The following PRPF38A variants were observed in gnomAD, a reference collection of about 807,000 sequenced individuals.
PRPF38A encodes pre-mRNA processing factor 38A.
PRPF38A carries 11 observed loss-of-function variants against 46.8 expected under a neutral mutation model. That is an observed-to-expected ratio of 0.24 (90% CI 0.15 to 0.39). The LOEUF is 0.39. Ranked by LOEUF, PRPF38A falls within the 10% of genes least tolerant of loss-of-function variation. The pLI, the probability that PRPF38A is intolerant of heterozygous loss-of-function variation, is 1.00. For synonymous variants in PRPF38A, 124 were observed against 136.2 expected, an observed-to-expected ratio of 0.91 and a Z score of 0.62; for missense variants, 261 against 407.5, an observed-to-expected ratio of 0.64 and a Z score of 3.10.
At chr1:52,405,860 CTAATA>C (rs1647971123) in intron 2 of PRPF38A, 21 bp downstream of exon 2, 2 of 1,606,118 alleles carry the variant, frequency 1.2e-6, no homozygotes, top group Non-Finnish European at 1.7e-6. Flanking sequence ...TGTTCACTAG[CTAATA>C]TAAGAGGTTT....
At chr1:52,405,000 T>G (rs1647934634) in intron 1 of PRPF38A, 121 bp downstream of exon 1, 1 of 1,242,760 alleles carries the variant, frequency 8.0e-7, no homozygotes, top group South Asian at 1.5e-5. Context: ...TGTCGATCAT[T>G]CAGAAAAATT....
At position 52,405,948 on chromosome 1, in the gene PRPF38A, A is replaced by C. The variant is rs1001582262; in HGVS notation, c.290+109A>C. The C allele has an allele frequency of 9.9e-5, 92 of 927,372 alleles. No individual in the cohort carries two copies. The East Asian group carries it at 2.3e-3, about 23-fold the overall frequency. The allele number at this position is 927,372 out of a possible 1,614,324, so 57.4% of individuals were successfully genotyped here. A position where few individuals can be genotyped will look rare whatever the true frequency, so the allele number is the denominator to read the frequency against. The stretch of plus-strand genomic sequence containing the variant: ...ATGTATCTCATTTCTAGAGAGTTCC[A>C]CTCCAGATTTTTGCTTTTGAGCCCT... On this transcript the variant is annotated intron_variant, in intron 2 of 9. Transcript: ENST00000257181.
intron 3 of PRPF38A, 102 bp from the exon 4 acceptor site, chr1:52,411,013 A>G: frequency 2.6e-6 from 2 of 767,878 alleles, no homozygotes; most frequent in Non-Finnish European, 4.4e-6. Context: ...AAAGAGGCCT[A>G]GCACATAGAT....
At chr1:52,414,081 T>C in intron 6 of PRPF38A, 90 bp downstream of exon 6, 1 of 787,376 alleles carries the variant, frequency 1.3e-6, no homozygotes, top group East Asian at 2.6e-5. Flanking sequence ...TGCACGTCTA[T>C]GGAGAATGTT....
At chr1:52,414,044 G>C in intron 6 of PRPF38A, 53 bp downstream of exon 6, 1 of 1,241,252 alleles carries the variant, frequency 8.1e-7, no homozygotes, top group Non-Finnish European at 1.2e-6. Context: ...CTGTAGCCTA[G>C]AAGTTTGGAT....
At position 52,418,902 on chromosome 1, in the gene PRPF38A, G is replaced by A. The variant is rs552496462; in HGVS notation, c.*2212G>A. ...CTTACTATGCAAAGTGAATTCTGGT[G>A]TTTCCTACTTGTTAACAGTTTTTAA... On this transcript the variant is annotated 3_prime_UTR_variant, in exon 10 of 10. Transcript: ENST00000257181. 7.9e-5 allele frequency: 12 copies of A among 152,348 alleles called. No homozygotes were observed. Among genetic ancestry groups the A allele is most frequent in the African/African-American group, 2.6e-4 (11 of 41,594 alleles). 9.4% of individuals were successfully genotyped at this position (152,348 alleles called of 1,614,324 possible).
intron 2 of PRPF38A, among the ~76,000 whole-genome samples, chr1:52,407,093 C>T (rs1334731708): frequency 6.6e-6 from 1 of 152,240 alleles, no homozygotes; most frequent in Non-Finnish European, 1.5e-5. Context: ...TCTCGGCTCA[C>T]TGCAAGCTCG....
intron 1 of PRPF38A, 57 bp downstream of exon 1, chr1:52,404,936 C>G (rs2147952309): frequency 6.3e-7 from 1 of 1,594,832 alleles, no homozygotes; most frequent in East Asian, 2.2e-5. Context: ...TTCTCCTGAC[C>G]GAGCGCGGGT....
At chr1:52,410,251 A>G (rs1471006877) in intron 3 of PRPF38A, among the ~76,000 whole-genome samples, 2 of 148,436 alleles carry the variant, frequency 1.3e-5, no homozygotes, top group East Asian at 4.0e-4. Context: ...GCAGTGAGCC[A>G]AGATTGCACC....
rs761885251 is a variant in PRPF38A at position 52,413,863 on chromosome 1, A to G, written c.610-16A>G. On this transcript the variant is annotated splice_polypyrimidine_tract_variant and intron_variant, in intron 5 of 9. Transcript: ENST00000257181. ...TAAGCCTGTGCCTTTCAATGACCCA[A>G]TCATCTTGTTTCCAGTTGGAAAGAG... 6 of 1,557,058 alleles carry G rather than the reference A, an allele frequency of 3.9e-6. No individual in the cohort carries two copies. Among genetic ancestry groups the G allele is most frequent in the Admixed American group, 1.7e-5 (1 of 59,862 alleles).
Position 52,417,931 on chromosome 1 carries a change from T to C in PRPF38A, c.*1241T>C, listed in dbSNP as rs1648337369. The C allele has an allele frequency of 6.6e-6, 1 of 152,636 alleles. No homozygotes were observed. The highest frequency in any genetic ancestry group is 1.5e-5 in the Non-Finnish European group (1 of 68,048). 9.5% of individuals were successfully genotyped at this position (152,636 alleles called of 1,614,324 possible). A position where few individuals can be genotyped will look rare whatever the true frequency, so the allele number is the denominator to read the frequency against. ...ACTAAAAAGCCTCCACGGACATCGA[T>C]AATCAAGAGATTATTAAGATCTTTG... is the stretch of plus-strand genomic sequence containing the variant. On this transcript the variant is annotated 3_prime_UTR_variant, in exon 10 of 10. Coordinates refer to ENST00000257181, the MANE Select transcript of PRPF38A (RefSeq NM_032864.4).
Position 52,413,953 on chromosome 1 carries a change from A to G in PRPF38A, c.684A>G (p.Thr228=), listed in dbSNP as rs1231197795. 2 of 1,613,928 alleles carry G rather than the reference A, an allele frequency of 1.2e-6. No individual in the cohort carries two copies. The highest frequency in any genetic ancestry group is 1.1e-5 in the South Asian group (1 of 91,060). Residue 228 remains threonine (T), a synonymous_variant, in exon 6 of 10, where the codon ACA becomes ACG. Transcript: ENST00000257181. The part of the protein sequence containing the change: ...RDLDKPRRSP[T]LRYRRSRSRS... ...TGGACAAGCCCCGTCGCTCTCCCAC[A>G]CTGCGCTACAGGAGGAGTAGGAGCC...
At chr1:52,411,079 T>G in intron 3 of PRPF38A, 36 bp from the exon 4 acceptor site, 1 of 1,497,570 alleles carries the variant, frequency 6.7e-7, no homozygotes, top group Non-Finnish European at 9.3e-7. Flanking sequence ...AATCTTTTAT[T>G]TCCAGGTTGT....
At chr1:52,408,808 C>A (rs1294202592) in intron 3 of PRPF38A, 118 bp downstream of exon 3, 1 of 1,278,038 alleles carries the variant, frequency 7.8e-7, no homozygotes, top group Non-Finnish European at 1.1e-6. Context: ...TACATTGTTA[C>A]TGTCTCTATG....
rs751221073 is a variant in PRPF38A, at chr1:52,418,390, C to G, written c.*1700C>G. The G allele has an allele frequency of 3.9e-5, 6 of 152,156 alleles. No homozygotes were observed. Among genetic ancestry groups the G allele is most frequent in the Admixed American group, 1.3e-4 (2 of 15,278 alleles). The allele number at this position is 152,156 out of a possible 1,614,324, so 9.4% of individuals were successfully genotyped here. Reference sequence around the variant, plus strand: ...AGAAAGAAATGTCTTCTGGCATGGACAGAAATGACCCATGGACCAACCAAG... The same window carrying G: ...AGAAAGAAATGTCTTCTGGCATGGAGAGAAATGACCCATGGACCAACCAAG... On this transcript the variant is annotated 3_prime_UTR_variant, in exon 10 of 10. Coordinates refer to ENST00000257181, the MANE Select transcript of PRPF38A (RefSeq NM_032864.4).
chr1:52,413,082 T>C (rs1440711967), intron 5 of PRPF38A, among the ~76,000 whole-genome samples: 7 of 152,356 alleles, frequency 4.6e-5, no homozygotes, highest in African/African-American at 1.7e-4. Context: ...ACTAGTAGTA[T>C]AATCTTACGC....
chr1:52,409,331 C>G (rs534488514), intron 3 of PRPF38A, among the ~76,000 whole-genome samples: 1 of 152,236 alleles, frequency 6.6e-6, no homozygotes, highest in Admixed American at 6.5e-5. Flanking sequence ...GAATTTGGGG[C>G]CAAGCACGGT....
chr1:52,409,643 TATTG>T (rs1648093505), intron 3 of PRPF38A: 1 of 152,178 alleles, frequency 6.6e-6, no homozygotes, highest in Non-Finnish European at 1.5e-5. Flanking sequence ...ACTTTAAACT[TATTG>T]ATTCATTCAT....
At chr1:52,413,374 A>G (rs1367237453) in intron 5 of PRPF38A, among the ~76,000 whole-genome samples, 2 of 152,122 alleles carry the variant, frequency 1.3e-5, no homozygotes, top group South Asian at 2.1e-4. Context: ...TGAAAAGTTG[A>G]AAACAACCAA....
Sources: allele counts gnomAD v4.1 joint callset (sites outside exome capture counted in the v4.1 genomes callset), GRCh38; gene constraint gnomAD v4.1.1; transcripts MANE v1.5; gene names NCBI Gene and HGNC (gene_info 2026-07-23, HGNC 2026-07-21).